Variants in FREM1 observed in about 807,000 individuals in gnomAD.
FREM1 encodes FRAS1-related extracellular matrix protein 1.
Under a neutral mutation model 210.1 loss-of-function variants are expected in FREM1, and 220 were observed. The ratio of observed to expected loss-of-function variants is 1.05; its 90% CI spans 0.94 to 1.17. The LOEUF is 1.17. Among genes scored for constraint, FREM1 ranks in the 50% most tolerant of loss-of-function variants. The probability of loss-of-function intolerance (pLI) is 0.00; values close to 1 mark genes in which losing one functional copy is unlikely to be tolerated. For synonymous variants in FREM1, 1,189 were observed against 980.2 expected (o/e 1.21, Z -3.98); for missense variants, 3,454 against 2,675.5 (o/e 1.29, Z -6.42).
intron 21 of FREM1, among the ~76,000 whole-genome samples, chr9:14,794,478 G>C (rs10756613): frequency 1.3e-5 from 2 of 152,056 alleles, no homozygotes; most frequent in South Asian, 2.1e-4. Flanking sequence ...GAGGCACTGC[G>C]GACACCTGAG....
Position 14,894,529 on chromosome 9 carries a change from GA to G in FREM1, c.-268+15384del, listed in dbSNP as rs1459999216. Among the ~76,000 whole-genome samples, 6 of 152,314 alleles carry G rather than the reference GA, an allele frequency of 3.9e-5. 1 individual carries two copies. The South Asian group carries it at 1.2e-3, about 32-fold the overall frequency. On this transcript the variant is annotated intron_variant, in intron 1 of 36. Coordinates refer to ENST00000380880, the MANE Select transcript of FREM1 (RefSeq NM_001379081.2). ...GAAAGCAACTTTCAGGACTCTCATG[GA>G]AAGCTGAAATGTTCACAAATATCAA... is the stretch of plus-strand genomic sequence containing the variant.
At chr9:14,825,138 G>C (rs1822096035) in intron 10 of FREM1, 146 bp from the exon 11 acceptor site, 1 of 567,802 alleles carries the variant, frequency 1.8e-6, no homozygotes, top group Non-Finnish European at 3.0e-6. Flanking sequence ...GAGCTATTAA[G>C]AATATGAGCC....
chr9:14,765,910 G>T (rs1056092007), intron 27 of FREM1, among the ~76,000 whole-genome samples: 7 of 152,178 alleles, frequency 4.6e-5, no homozygotes, highest in Admixed American at 3.3e-4. Context: ...AACAACTTTG[G>T]TCAGAAGTTG....
intron 1 of FREM1, among the ~76,000 whole-genome samples, chr9:14,876,251 T>C (rs1327574632): frequency 6.6e-6 from 1 of 152,184 alleles, no homozygotes; most frequent in East Asian, 1.9e-4. Context: ...TACTGCTGTC[T>C]TTTTGTTTTT....
chr9:14,752,106 C>T (rs1333765967), intron 29 of FREM1, among the ~76,000 whole-genome samples: 2 of 151,562 alleles, frequency 1.3e-5, no homozygotes, highest in African/African-American at 2.4e-5. Flanking sequence ...GCATTAGATG[C>T]TATGGAGAAT....
intron 29 of FREM1, among the ~76,000 whole-genome samples, chr9:14,750,626 T>G (rs766725959): frequency 2.0e-5 from 3 of 152,198 alleles, no homozygotes; most frequent in Non-Finnish European, 4.4e-5. Context: ...AATCTCAAAA[T>G]CTTAATAGTT....
chr9:14,885,930 C>A (rs1046101176), intron 1 of FREM1, among the ~76,000 whole-genome samples: 4 of 152,148 alleles, frequency 2.6e-5, no homozygotes, highest in African/African-American at 9.7e-5. Flanking sequence ...TCATGTTGTA[C>A]AATACATCTC....
intron 10 of FREM1, among the ~76,000 whole-genome samples, chr9:14,835,166 C>CA (rs1315892176): frequency 2.0e-5 from 3 of 152,204 alleles, no homozygotes; most frequent in Admixed American, 1.3e-4. Flanking sequence ...AACTTTTTAA[C>CA]TTTCGCTTGG....
At chr9:14,791,089 G>C (rs1198702350) in intron 22 of FREM1, 1 of 152,162 alleles carries the variant, frequency 6.6e-6, no homozygotes, top group Non-Finnish European at 1.5e-5. Flanking sequence ...AATTGCAATG[G>C]GGATGGTTGG....
chr9:14,747,447 C>T lies in FREM1; in HGVS notation c.5845-19G>A. ...CATGATACTTGAGGAAACCAACAATCAACAACAATAAGGAAAAAACAAACA... is the reference window on the plus strand; with the variant it reads ...CATGATACTTGAGGAAACCAACAATTAACAACAATAAGGAAAAAACAAACA... On this transcript the variant is annotated intron_variant, in intron 32 of 36. Coordinates refer to ENST00000380880, the MANE Select transcript of FREM1 (RefSeq NM_001379081.2). 6.2e-7 allele frequency: 1 copy of T among 1,605,316 alleles called. No homozygotes were observed. Among genetic ancestry groups the T allele is most frequent in the Non-Finnish European group, 8.5e-7 (1 of 1,176,224 alleles).
intron 1 of FREM1, among the ~76,000 whole-genome samples, chr9:14,884,191 T>C (rs1173279325): frequency 1.3e-5 from 2 of 151,788 alleles, no homozygotes; most frequent in Non-Finnish European, 2.9e-5. Context: ...ATCGCGCCAC[T>C]GCACTCCAGC....
intron 35 of FREM1, among the ~76,000 whole-genome samples, chr9:14,745,238 G>C (rs1309663406): frequency 6.6e-6 from 1 of 152,098 alleles, no homozygotes; most frequent in Non-Finnish European, 1.5e-5. Flanking sequence ...CAGGTAACAA[G>C]CCTGCACATT....
intron 10 of FREM1, among the ~76,000 whole-genome samples, chr9:14,832,095 C>T (rs1823674685): frequency 1.3e-5 from 2 of 152,232 alleles, no homozygotes; most frequent in Admixed American, 6.5e-5. Context: ...GGGACTCCTT[C>T]GACCTTGAAA....
At chr9:14,809,400 C>T (rs1348794863) in intron 16 of FREM1, among the ~76,000 whole-genome samples, 1 of 152,142 alleles carries the variant, frequency 6.6e-6, no homozygotes, top group Admixed American at 6.5e-5. Context: ...CAGGGACATC[C>T]TCCCTTTTCA....
chr9:14,888,977 T>C (rs958828881), intron 1 of FREM1, among the ~76,000 whole-genome samples: 3 of 152,228 alleles, frequency 2.0e-5, no homozygotes, highest in Admixed American at 2.0e-4. Flanking sequence ...TTTATTAACA[T>C]AATGTTCTAT....
intron 1 of FREM1, among the ~76,000 whole-genome samples, chr9:14,898,641 C>A (rs1838205039): frequency 6.6e-6 from 1 of 152,164 alleles, no homozygotes. Context: ...ACTCAGGAGG[C>A]TGAGGCAGGA....
chr9:14,767,884 A>G (rs1479127992), intron 27 of FREM1, among the ~76,000 whole-genome samples: 2 of 152,206 alleles, frequency 1.3e-5, no homozygotes, highest in East Asian at 3.8e-4. Flanking sequence ...TTGTTCAGTC[A>G]TGAACAAATG....
rs577143964 is a variant in FREM1 at position 14,827,869 on chromosome 9, G to T, written c.1882-2877C>A. On this transcript the variant is annotated intron_variant, in intron 10 of 36. Coordinates refer to ENST00000380880, the MANE Select transcript of FREM1 (RefSeq NM_001379081.2). Reference sequence around the variant, plus strand: ...GGCCATCCCAGCTGTGGCTCAAGCAGGCCCAGGAACCACTTGAGCCACCAC... The same window carrying T: ...GGCCATCCCAGCTGTGGCTCAAGCATGCCCAGGAACCACTTGAGCCACCAC... 2.6e-5 allele frequency among the ~76,000 whole-genome samples: 4 copies of T among 152,304 alleles called. No individual in the cohort carries two copies. In the East Asian group the frequency reaches 5.8e-4, roughly 22 times the overall value.
chr9:14,774,696 G>A (rs1848260813), intron 25 of FREM1, among the ~76,000 whole-genome samples: 1 of 152,066 alleles, frequency 6.6e-6, no homozygotes, highest in South Asian at 2.1e-4. Flanking sequence ...AGATTCAAGG[G>A]TTTGAGAGCC....
Sources: allele counts gnomAD v4.1 joint callset (sites outside exome capture counted in the v4.1 genomes callset), GRCh38; gene constraint gnomAD v4.1.1; transcripts MANE v1.5; gene names NCBI Gene and HGNC (gene_info 2026-07-23, HGNC 2026-07-21).